Variants in ADAMTSL1 observed in about 807,000 individuals in gnomAD.
The protein encoded by ADAMTSL1 is ADAMTS like 1, also known as ADAMTS-like protein 1.
In ADAMTSL1, 126 loss-of-function variants were observed where a neutral mutation model predicts 201.8. The ratio of observed to expected loss-of-function variants is 0.62; its 90% CI spans 0.54 to 0.72. ADAMTSL1 has a LOEUF of 0.72. Ranked by LOEUF, ADAMTSL1 falls within the 30% of genes least tolerant of loss-of-function variation. The pLI, the probability that ADAMTSL1 is intolerant of heterozygous loss-of-function variation, is 0.00. For missense variants in ADAMTSL1, 2,679 were observed against 2,277.8 expected, an observed-to-expected ratio of 1.18 and a Z score of -3.59; for synonymous variants, 1,121 against 903.4, an observed-to-expected ratio of 1.24 and a Z score of -4.32.
At chr9:18,114,731 G>A (rs561390884) in intron 1 of ADAMTSL1, among the ~76,000 whole-genome samples, 1 of 152,244 alleles carries the variant, frequency 6.6e-6, no homozygotes, top group East Asian at 1.9e-4. Flanking sequence ...CAGCCTACAA[G>A]AAACATGTGG....
intron 2 of ADAMTSL1, among the ~76,000 whole-genome samples, chr9:18,167,034 G>C (rs953101294): frequency 6.6e-6 from 1 of 151,942 alleles, no homozygotes; most frequent in Non-Finnish European, 1.5e-5. Flanking sequence ...CATTTGTCTA[G>C]AAGCCACAGC....
intron 1 of ADAMTSL1, among the ~76,000 whole-genome samples, chr9:18,008,777 C>T (rs564064702): frequency 6.6e-6 from 1 of 152,084 alleles, no homozygotes; most frequent in East Asian, 1.9e-4. Flanking sequence ...CATCTACCTA[C>T]AAGGGGACCA....
chr9:18,115,278 C>A (rs1825201279), intron 1 of ADAMTSL1, among the ~76,000 whole-genome samples: 1 of 152,062 alleles, frequency 6.6e-6, no homozygotes, highest in Non-Finnish European at 1.5e-5. Context: ...TAACACTAAA[C>A]CTTACTTGGC....
intron 1 of ADAMTSL1, among the ~76,000 whole-genome samples, chr9:17,980,889 C>A (rs1019116216): frequency 6.6e-6 from 1 of 152,082 alleles, no homozygotes; most frequent in African/African-American, 2.4e-5. Context: ...TCTGCCCATG[C>A]AGAAGGTGAA....
At chr9:18,707,405 A>C (rs1471331464) in intron 14 of ADAMTSL1, among the ~76,000 whole-genome samples, 2 of 152,228 alleles carry the variant, frequency 1.3e-5, no homozygotes. Context: ...GCCTCAGTGC[A>C]TGCAATGTGA....
At chr9:18,601,675 G>A (rs914081365) in intron 4 of ADAMTSL1, among the ~76,000 whole-genome samples, 1 of 151,898 alleles carries the variant, frequency 6.6e-6, no homozygotes, top group Admixed American at 6.6e-5. Context: ...CTATATGAAA[G>A]GTGATTTTAT....
At chr9:18,760,299 C>G (rs1350378152) in intron 16 of ADAMTSL1, among the ~76,000 whole-genome samples, 2 of 152,150 alleles carry the variant, frequency 1.3e-5, no homozygotes, top group Non-Finnish European at 2.9e-5. Flanking sequence ...TTACAATCAA[C>G]TCATCAAACC....
At chr9:18,908,313 C>T (rs1191032055) in intron 28 of ADAMTSL1, 129 bp from the exon 29 acceptor site, 5 of 779,104 alleles carry the variant, frequency 6.4e-6, no homozygotes, top group Non-Finnish European at 8.6e-6. Flanking sequence ...AGAGCGGTGG[C>T]CAAGGCAGAC....
intron 1 of ADAMTSL1, among the ~76,000 whole-genome samples, chr9:18,123,265 C>A (rs1040706448): frequency 6.6e-6 from 1 of 152,162 alleles, no homozygotes; most frequent in African/African-American, 2.4e-5. Flanking sequence ...TTTCAGTTTT[C>A]ATCACAAGTT....
At chr9:18,426,758 C>G (rs950013427) in intron 2 of ADAMTSL1, among the ~76,000 whole-genome samples, 2 of 152,120 alleles carry the variant, frequency 1.3e-5, no homozygotes, top group Admixed American at 1.3e-4. Flanking sequence ...TTTACTTGCC[C>G]AAAGCAACTT....
At chr9:18,108,708 A>C (rs1824870249) in intron 1 of ADAMTSL1, among the ~76,000 whole-genome samples, 1 of 152,166 alleles carries the variant, frequency 6.6e-6, no homozygotes, top group Non-Finnish European at 1.5e-5. Flanking sequence ...ACATTAAGTA[A>C]AAATTAGTCA....
At chr9:17,994,720 G>C (rs982269728) in intron 1 of ADAMTSL1, among the ~76,000 whole-genome samples, 1 of 152,144 alleles carries the variant, frequency 6.6e-6, no homozygotes, top group Non-Finnish European at 1.5e-5. Flanking sequence ...TTCAGAATAA[G>C]ACAGTTCATT....
intron 9 of ADAMTSL1, among the ~76,000 whole-genome samples, chr9:18,663,259 C>T (rs1829218405): frequency 6.6e-6 from 1 of 151,922 alleles, no homozygotes; most frequent in African/African-American, 2.4e-5. Flanking sequence ...TATTCCCTAC[C>T]TCATAAAAGT....
intron 2 of ADAMTSL1, among the ~76,000 whole-genome samples, chr9:18,443,071 T>C (rs893795878): frequency 1.3e-5 from 2 of 152,168 alleles, no homozygotes; most frequent in Non-Finnish European, 2.9e-5. Context: ...CTGCTTAAAA[T>C]GAAGGCTTTG....
chr9:18,137,530 G>A (rs1826212405), intron 1 of ADAMTSL1, among the ~76,000 whole-genome samples: 1 of 152,158 alleles, frequency 6.6e-6, no homozygotes, highest in Non-Finnish European at 1.5e-5. Flanking sequence ...AAGTCCTTCT[G>A]TAGTTGCTGT....
chr9:18,828,870 G>A (rs1332365089), intron 22 of ADAMTSL1, among the ~76,000 whole-genome samples: 1 of 151,566 alleles, frequency 6.6e-6, no homozygotes, highest in Non-Finnish European at 1.5e-5. Context: ...CCTAACAAGT[G>A]CCTTACAAGG....
chr9:18,726,145 C>T (rs1001476057), intron 15 of ADAMTSL1, among the ~76,000 whole-genome samples: 4 of 152,078 alleles, frequency 2.6e-5, no homozygotes, highest in African/African-American at 4.8e-5. Flanking sequence ...TAAAAGAAAA[C>T]GTGATTTTTA....
chr9:18,342,934 G>A (rs925905031), intron 2 of ADAMTSL1, among the ~76,000 whole-genome samples: 1 of 152,026 alleles, frequency 6.6e-6, no homozygotes, highest in Non-Finnish European at 1.5e-5. Flanking sequence ...GCTGGTGCTC[G>A]GATGACAAGA....
In ADAMTSL1 at chr9:18,887,963, G is replaced by A; in HGVS notation, c.4382G>A (p.Gly1461Asp). Residue 1461 changes from glycine (G) to aspartate (D), a missense_variant, in exon 24 of 29, where the codon GGT (glycine) becomes GAT (aspartate). Gly to Asp is a moderately conservative substitution (Grantham distance 94). Coordinates refer to ENST00000380548, the MANE Select transcript of ADAMTSL1 (RefSeq NM_001040272.6). ...GQILQVANLS[G>D]GSQGEFSCLA... ...ATCCTTCAAGTTGCAAACCTTAGCG[G>A]TGGGTCTCAAGGGGAATTCAGCTGC... The A allele has an allele frequency of 6.2e-7, 1 of 1,613,980 alleles. No individual in the cohort carries two copies. Among genetic ancestry groups the A allele is most frequent in the Non-Finnish European group, 8.5e-7 (1 of 1,179,892 alleles).
Sources: allele counts gnomAD v4.1 joint callset (sites outside exome capture counted in the v4.1 genomes callset), GRCh38; gene constraint gnomAD v4.1.1; transcripts MANE v1.5; gene names NCBI Gene and HGNC (gene_info 2026-07-23, HGNC 2026-07-21).